CPXCR1: variants seen among roughly 807,000 people sequenced by gnomAD.
CPXCR1 encodes CPX chromosome region candidate 1.
CPXCR1 carries 15 observed loss-of-function variants against 13.8 expected under a neutral mutation model. That is an observed-to-expected ratio of 1.09 (90% CI 0.73 to 1.67). CPXCR1 has a LOEUF of 1.67. Among genes scored for constraint, CPXCR1 ranks in the 40% most tolerant of loss-of-function variants. The probability of loss-of-function intolerance (pLI) is 0.00; values close to 1 mark genes in which losing one functional copy is unlikely to be tolerated. For synonymous variants in CPXCR1, 70 were observed against 76.7 expected, an observed-to-expected ratio of 0.91 and a Z score of 0.46; for missense variants, 247 against 223.6, an observed-to-expected ratio of 1.10 and a Z score of -0.67.
chrX:88,753,124 A>G (rs1434731253), intron 2 of CPXCR1, among the ~76,000 whole-genome samples: 2 of 111,584 alleles, frequency 1.8e-5, no homozygotes, highest in East Asian at 2.8e-4. Context: ...GTTCTAGTGC[A>G]TAGGGTATAT....
intron 1 of CPXCR1, 71 bp from the exon 2 acceptor site, chrX:88,749,247 T>C (rs1924855755): frequency 9.1e-6 from 1 of 109,334 alleles, no homozygotes; most frequent in Non-Finnish European, 1.9e-5. Flanking sequence ...CATAGATGCT[T>C]TTCTTGGGGG....
Position 88,754,139 on chromosome X carries a change from T to C in CPXCR1, c.725T>C (p.Ile242Thr). The C allele has an allele frequency of 1.7e-6, 2 of 1,196,667 alleles. No homozygotes were observed. The highest frequency in any genetic ancestry group is 1.8e-5 in the South Asian group (1 of 55,897). ...IVRSVLFVSQ[I>T]QIESIFNIKG... Reference sequence around the variant, plus strand: ...AGGTCTGTGCTCTTTGTGTCACAGATACAAATTGAAAGTATTTTTAATATA... The same window carrying C: ...AGGTCTGTGCTCTTTGTGTCACAGACACAAATTGAAAGTATTTTTAATATA... Residue 242 changes from isoleucine to threonine, a missense_variant, in exon 3 of 3, where the codon ATA becomes ACA. Coordinates refer to ENST00000276127, the MANE Select transcript of CPXCR1 (RefSeq NM_033048.6).
intron 2 of CPXCR1, among the ~76,000 whole-genome samples, chrX:88,752,651 A>G (rs1203231164): frequency 9.1e-6 from 1 of 109,826 alleles, no homozygotes; most frequent in Non-Finnish European, 1.9e-5. Context: ...GGTTCCAGCG[A>G]TTCTCCTGTC....
chrX:88,753,290 C>T (rs771394759), intron 2 of CPXCR1, 117 bp from the exon 3 acceptor site: 82 of 375,721 alleles, frequency 2.2e-4, no homozygotes, highest in Non-Finnish European at 2.8e-4. Flanking sequence ...TTTATAGTTG[C>T]GAGAAGGCAC....
In CPXCR1 at chrX:88,753,484, C is replaced by T. The variant is rs766132570; in HGVS notation, c.70C>T (p.Pro24Ser). 1 of 1,184,791 alleles carries T rather than the reference C, an allele frequency of 8.4e-7. No homozygotes were observed. The highest frequency in any genetic ancestry group is 1.1e-6 in the Non-Finnish European group (1 of 882,201). ...TCACAAAAATTCTGAAAATGAGCCT[C>T]CTAATGACTGTAGTACAGACATAGA... ...NAHKNSENEPPNDCSTDIESP... is the reference protein window; with the variant it reads ...NAHKNSENEPSNDCSTDIESP... The change falls in exon 3 of 3, where the codon CCT becomes TCT. Residue 24 changes from proline (P) to serine (S), a missense_variant. Physicochemically the swap from Pro to Ser is moderately conservative, Grantham distance 74. Coordinates refer to ENST00000276127, the MANE Select transcript of CPXCR1 (RefSeq NM_033048.6).
At chrX:88,751,868 C>A (rs750969706) in intron 2 of CPXCR1, among the ~76,000 whole-genome samples, 1 of 111,325 alleles carries the variant, frequency 9.0e-6, no homozygotes, top group African/African-American at 3.3e-5. Flanking sequence ...TGTGGAGGGT[C>A]TCTGAAGACT....
chrX:88,752,005 G>A (rs1188233379), intron 2 of CPXCR1, among the ~76,000 whole-genome samples: 2 of 111,803 alleles, frequency 1.8e-5, no homozygotes, highest in African/African-American at 3.3e-5. Context: ...AACCATGTTA[G>A]TCAATTTCTC....
Position 88,753,388 on chromosome X carries a change from T to C in CPXCR1, c.-8-19T>C, listed in dbSNP as rs1924979164. 3 of 937,488 alleles carry C rather than the reference T, an allele frequency of 3.2e-6. No homozygotes were observed. Among genetic ancestry groups the C allele is most frequent in the Admixed American group, 3.8e-5 (1 of 26,343 alleles). 77.3% of individuals were successfully genotyped at this position (937,488 alleles called of 1,213,427 possible). ...CATACATAAATTTAGTAAATCTTTG[T>C]CTTCTTTCCCATAAATAGAACCCAG... On this transcript the variant is annotated intron_variant, in intron 2 of 2. Coordinates refer to ENST00000276127, the MANE Select transcript of CPXCR1 (RefSeq NM_033048.6).
intron 2 of CPXCR1, among the ~76,000 whole-genome samples, chrX:88,751,956 T>C (rs1359447239): frequency 2.7e-5 from 3 of 111,754 alleles, no homozygotes; most frequent in Non-Finnish European, 5.6e-5. Flanking sequence ...CCATAAATCC[T>C]GCCTATGTTA....
chrX:88,754,070 A>C lies in CPXCR1; in HGVS notation c.656A>C (p.Lys219Thr). The C allele has an allele frequency of 8.3e-7, 1 of 1,210,794 alleles. No homozygotes were observed. The highest frequency in any genetic ancestry group is 1.1e-6 in the Non-Finnish European group (1 of 894,790). The change falls in exon 3 of 3, where the codon AAA becomes ACA. Residue 219 changes from lysine to threonine, a missense_variant. Physicochemically the swap from Lys to Thr is moderately conservative, Grantham distance 78 (BLOSUM62 -1). Transcript: ENST00000276127. ...AGAATGACATCAGGAAAATTTTGCA[A>C]ATCAACTGACACTAAAGGGAAATGT... Reference protein sequence around the residue: ...TERMTSGKFCKSTDTKGKCRF... With the variant: ...TERMTSGKFCTSTDTKGKCRF...
chrX:88,752,251 G>A (rs1428776810), intron 2 of CPXCR1, among the ~76,000 whole-genome samples: 1 of 111,434 alleles, frequency 9.0e-6, no homozygotes, highest in African/African-American at 3.3e-5. Context: ...TAAGAGGAGA[G>A]GGGTGACAGG....
chrX:88,751,354 T>C (rs1039470307), intron 2 of CPXCR1, among the ~76,000 whole-genome samples: 4 of 112,108 alleles, frequency 3.6e-5, no homozygotes, highest in Admixed American at 9.5e-5. Flanking sequence ...GAGCAGGTTG[T>C]TCAGTTTCCA....
At chrX:88,752,308 AG>A (rs1342685547) in intron 2 of CPXCR1, among the ~76,000 whole-genome samples, 1 of 111,186 alleles carries the variant, frequency 9.0e-6, no homozygotes, top group Non-Finnish European at 1.9e-5. Context: ...TGCCACTATA[AG>A]TAGTAAAGCA....
chrX:88,754,217 C>G lies in CPXCR1; in HGVS notation c.803C>G (p.Thr268Arg), dbSNP rs1925013754. 1.7e-6 allele frequency: 2 copies of G among 1,189,463 alleles called. No homozygotes were observed. The highest frequency in any genetic ancestry group is 6.0e-5 in the East Asian group (2 of 33,597). ...TYIHTMNVMI[T>R]NTNNGWKYFC... ...ATCCATACCATGAATGTTATGATCACAAACACCAATAATGGTTGGAAATAC... is the reference window on the plus strand; with the variant it reads ...ATCCATACCATGAATGTTATGATCAGAAACACCAATAATGGTTGGAAATAC... Residue 268 changes from threonine (T) to arginine (R), a missense_variant, in exon 3 of 3, where the codon ACA becomes AGA. Thr to Arg is a moderately conservative substitution (Grantham distance 71). Transcript: ENST00000276127.
Position 88,753,806 on chromosome X carries a change from G to C in CPXCR1, c.392G>C (p.Arg131Pro). The change falls in exon 3 of 3, where the codon CGT becomes CCT. Residue 131 changes from arginine (R) to proline (P), a missense_variant. Transcript: ENST00000276127. Reference protein sequence around the residue: ...ANNFPINHKTRFRLSTSWRVP... With the variant: ...ANNFPINHKTPFRLSTSWRVP... ...AATTTCCCCATAAATCACAAAACTCGTTTTCGACTTTCAACTTCATGGAGA... is the reference window on the plus strand; with the variant it reads ...AATTTCCCCATAAATCACAAAACTCCTTTTCGACTTTCAACTTCATGGAGA... The C allele has an allele frequency of 8.3e-7, 1 of 1,208,589 alleles. No individual in the cohort carries two copies. Among genetic ancestry groups the C allele is most frequent in the Non-Finnish European group, 1.1e-6 (1 of 893,861 alleles).
At chrX:88,750,329 A>T (rs988560886) in intron 2 of CPXCR1, among the ~76,000 whole-genome samples, 2 of 111,713 alleles carry the variant, frequency 1.8e-5, no homozygotes, top group Non-Finnish European at 3.8e-5. Context: ...TATTGAGATA[A>T]TCATGTGTTT....
rs12556970 is a variant in CPXCR1, at chrX:88,754,699, T to C, written c.*379T>C. On this transcript the variant is annotated 3_prime_UTR_variant, in exon 3 of 3. Coordinates refer to ENST00000276127, the MANE Select transcript of CPXCR1 (RefSeq NM_033048.6). ...TATATTGGAAGGCCAGACAAAGTTC[T>C]ACCAAGTGTTTCCAGAGATTCTGCT... 37,944 of 132,539 alleles carry C rather than the reference T, an allele frequency of 0.29. 4,050 individuals carry two copies. The highest frequency in any genetic ancestry group is 0.51 in the East Asian group (1,993 of 3,939). 10.9% of individuals were successfully genotyped at this position (132,539 alleles called of 1,213,427 possible). A position where few individuals can be genotyped will look rare whatever the true frequency, so the allele number is the denominator to read the frequency against.
Position 88,754,216 on chromosome X carries a change from A to G in CPXCR1, c.802A>G (p.Thr268Ala), listed in dbSNP as rs1925013634. The G allele has an allele frequency of 5.9e-6, 7 of 1,190,405 alleles. No individual in the cohort carries two copies. Among genetic ancestry groups the G allele is most frequent in the Non-Finnish European group, 8.0e-6 (7 of 877,521 alleles). The change falls in exon 3 of 3, where the codon ACA becomes GCA. Residue 268 changes from threonine (T) to alanine (A), a missense_variant. Physicochemically the swap from Thr to Ala is moderately conservative, Grantham distance 58. Transcript: ENST00000276127. Reference sequence around the variant, plus strand: ...TATCCATACCATGAATGTTATGATCACAAACACCAATAATGGTTGGAAATA... The same window carrying G: ...TATCCATACCATGAATGTTATGATCGCAAACACCAATAATGGTTGGAAATA... ...TYIHTMNVMITNTNNGWKYFC... is the reference protein window; with the variant it reads ...TYIHTMNVMIANTNNGWKYFC...
chrX:88,747,779 G>A (rs765958276), intron 1 of CPXCR1, among the ~76,000 whole-genome samples: 2 of 111,483 alleles, frequency 1.8e-5, no homozygotes, highest in East Asian at 2.8e-4. Context: ...GGGAAAGATG[G>A]GACATTTACA....
Sources: gnomAD v4.1 joint callset for allele counts (sites outside exome capture counted in the v4.1 genomes callset) on GRCh38, gnomAD v4.1.1 for gene constraint, MANE v1.5 for transcripts, NCBI Gene and HGNC (gene_info 2026-07-23, HGNC 2026-07-21) for gene names.